The following DMD variants were observed in gnomAD, a reference collection of about 807,000 sequenced individuals.
The protein encoded by DMD is dystrophin, also known as mutant dystrophin.
Under a neutral mutation model 330.1 loss-of-function variants are expected in DMD, and 63 were observed. The observed-to-expected ratio is 0.19, with a 90% confidence interval of 0.16 to 0.24. The LOEUF is 0.24. Among genes scored for constraint, DMD ranks in the 10% least tolerant of loss-of-function variants. The pLI is 1.00. For synonymous variants in DMD, 1,223 were observed against 959.8 expected (o/e 1.27, Z -5.07); for missense variants, 3,344 against 2,684.1 (o/e 1.25, Z -5.43).
intron 17 of DMD, among the ~76,000 whole-genome samples, chrX:32,539,265 G>T (rs757255788): frequency 9.4e-6 from 1 of 106,761 alleles, no homozygotes; most frequent in Non-Finnish European, 1.9e-5. Flanking sequence ...AAAGTAACAT[G>T]ACATTGCAAC....
chrX:32,674,629 C>G (rs1287172496), intron 9 of DMD, among the ~76,000 whole-genome samples: 1 of 111,044 alleles, frequency 9.0e-6, no homozygotes, highest in East Asian at 2.8e-4. Flanking sequence ...GTGTTCAGGC[C>G]AGGCATATGA....
chrX:32,209,077 C>T (rs1323973287), intron 44 of DMD, among the ~76,000 whole-genome samples: 5 of 111,123 alleles, frequency 4.5e-5, no homozygotes, highest in African/African-American at 6.5e-5. Context: ...TTCTACGTAC[C>T]GAGGTATATT....
chrX:33,330,273 C>T (rs1380454507), intron 1 of DMD, among the ~76,000 whole-genome samples: 3 of 110,996 alleles, frequency 2.7e-5, no homozygotes, highest in Non-Finnish European at 5.7e-5. Context: ...GGGTGTGAGG[C>T]TGGAGATCAA....
At chrX:33,124,494 A>C (rs1175246588) in intron 1 of DMD, among the ~76,000 whole-genome samples, 12 of 105,471 alleles carry the variant, frequency 1.1e-4, no homozygotes, top group Non-Finnish European at 2.1e-4. Flanking sequence ...AAAAAAAAAA[A>C]AAAAAAAAAA....
At chrX:32,417,978 C>T (rs769416271) in intron 29 of DMD, among the ~76,000 whole-genome samples, 232 of 109,309 alleles carry the variant, frequency 2.1e-3, no homozygotes, top group Middle Eastern at 0.019. Flanking sequence ...GAAAAAGAGG[C>T]AGTGGAGGTG....
At chrX:32,319,378 C>A (rs1603630649) in intron 41 of DMD, among the ~76,000 whole-genome samples, 1 of 111,314 alleles carries the variant, frequency 9.0e-6, no homozygotes, top group East Asian at 2.8e-4. Flanking sequence ...AGACTCATGC[C>A]TAGTACCTAG....
At chrX:33,026,863 T>C (rs1172399599) in intron 1 of DMD, among the ~76,000 whole-genome samples, 3 of 112,308 alleles carry the variant, frequency 2.7e-5, no homozygotes, top group African/African-American at 9.7e-5. Flanking sequence ...CCTTTCTCAT[T>C]TCCAAGAGAG....
chrX:31,815,462 A>G (rs2092599418), intron 50 of DMD, among the ~76,000 whole-genome samples: 2 of 110,450 alleles, frequency 1.8e-5, no homozygotes, highest in African/African-American at 6.6e-5. Context: ...AAAAAAAGAG[A>G]GAGAGAGAGA....
intron 9 of DMD, among the ~76,000 whole-genome samples, chrX:32,689,662 T>C (rs113836589): frequency 0.099 from 10,909 of 110,197 alleles, 1,325 homozygotes; most frequent in African/African-American, 0.33. Flanking sequence ...AACAAAATTC[T>C]GGCAAATTTT....
intron 1 of DMD, among the ~76,000 whole-genome samples, chrX:33,283,646 G>A (rs1024855942): frequency 1.8e-5 from 2 of 110,767 alleles, no homozygotes; most frequent in African/African-American, 3.3e-5. Flanking sequence ...AAATAGTGCC[G>A]ACAATAAAAA....
intron 9 of DMD, among the ~76,000 whole-genome samples, chrX:32,671,366 C>T (rs1252155429): frequency 9.0e-6 from 1 of 111,147 alleles, no homozygotes; most frequent in African/African-American, 3.3e-5. Context: ...CATACACACA[C>T]ACACTCTGAG....
chrX:32,985,801 C>T (rs1472726538), intron 2 of DMD, among the ~76,000 whole-genome samples: 1 of 111,539 alleles, frequency 9.0e-6, no homozygotes, highest in Non-Finnish European at 1.9e-5. Context: ...GAAAAAATAG[C>T]TTATTCCAAT....
chrX:31,403,313 A>G (rs1321222561), intron 60 of DMD, among the ~76,000 whole-genome samples: 1 of 112,023 alleles, frequency 8.9e-6, no homozygotes, highest in Admixed American at 9.5e-5. Context: ...TGATGAGAGC[A>G]TGTAGTATCT....
intron 2 of DMD, among the ~76,000 whole-genome samples, chrX:32,947,257 A>G (rs2090885370): frequency 8.9e-6 from 1 of 112,272 alleles, no homozygotes; most frequent in African/African-American, 3.2e-5. Flanking sequence ...AGTTTTAGAA[A>G]GCACATACAC....
intron 63 of DMD, among the ~76,000 whole-genome samples, chrX:31,244,592 G>T (rs766005992): frequency 1.8e-5 from 2 of 111,485 alleles, no homozygotes; most frequent in South Asian, 7.5e-4. Context: ...TACAAAAGTG[G>T]TACCCCAATA....
intron 44 of DMD, among the ~76,000 whole-genome samples, chrX:32,053,571 G>GT (rs2096134836): frequency 9.0e-6 from 1 of 111,058 alleles, no homozygotes; most frequent in East Asian, 2.9e-4. Flanking sequence ...AGGCATTGTT[G>GT]TTTTTTCTCG....
chrX:31,142,517 T>A (rs1249768259), intron 76 of DMD, among the ~76,000 whole-genome samples: 2 of 112,579 alleles, frequency 1.8e-5, no homozygotes, highest in African/African-American at 6.4e-5. Flanking sequence ...AACTGTTGAA[T>A]TAATTGCAGT....
intron 13 of DMD, among the ~76,000 whole-genome samples, chrX:32,586,261 C>G (rs1302659080): frequency 1.8e-5 from 2 of 109,757 alleles, no homozygotes; most frequent in Non-Finnish European, 3.8e-5. Context: ...TGAACAGTGT[C>G]GTTCTAGAAA....
chrX:32,939,114 T>C (rs1466910123), intron 2 of DMD, among the ~76,000 whole-genome samples: 3 of 109,111 alleles, frequency 2.7e-5, no homozygotes, highest in Admixed American at 2.0e-4. Flanking sequence ...TATATCTGAG[T>C]TGGGAAATAC....
Sources: gnomAD v4.1 joint callset for allele counts (sites outside exome capture counted in the v4.1 genomes callset) on GRCh38, gnomAD v4.1.1 for gene constraint, MANE v1.5 for transcripts, NCBI Gene and HGNC (gene_info 2026-07-23, HGNC 2026-07-21) for gene names.